The following KIAA1217 variants were observed in gnomAD, a reference collection of about 807,000 sequenced individuals.
KIAA1217 encodes the protein sickle tail protein homolog.
Under a neutral mutation model 163.9 loss-of-function variants are expected in KIAA1217, and 88 were observed. The observed-to-expected ratio is 0.54, with a 90% CI of 0.45 to 0.64. KIAA1217 has a LOEUF of 0.64. KIAA1217 is among the 30% of genes least tolerant of loss of function. The pLI, the probability that KIAA1217 is intolerant of heterozygous loss-of-function variation, is 0.00. For missense variants in KIAA1217, 2,372 were observed against 2,475.0 expected (o/e 0.96, Z 0.88); for synonymous variants, 903 against 923.1 (o/e 0.98, Z 0.39).
In KIAA1217 at chr10:24,261,540, C is replaced by T. The variant is rs142183716; in HGVS notation, c.354+41631C>T. On this transcript the variant is annotated intron_variant, in intron 2 of 20. Coordinates refer to ENST00000376454, the MANE Select transcript of KIAA1217 (RefSeq NM_019590.5). ...GCATTTAATCTGGTGCTGAGCTGAC[C>T]TCTTGTACTCTGATTTTTTCATTGT... Among the ~76,000 whole-genome samples the T allele has an allele frequency of 3.4e-4, 52 of 151,840 alleles. 1 individual carries two copies. In the East Asian group the frequency reaches 8.1e-3, roughly 24 times the overall value.
At chr10:24,326,797 C>T (rs1392834612) in intron 2 of KIAA1217, among the ~76,000 whole-genome samples, 1 of 151,738 alleles carries the variant, frequency 6.6e-6, no homozygotes, top group South Asian at 2.1e-4. Context: ...TAATACTGAC[C>T]CCCAAAACCC....
At chr10:24,504,501 C>A (rs550046957) in intron 9 of KIAA1217, among the ~76,000 whole-genome samples, 28 of 152,312 alleles carry the variant, frequency 1.8e-4, no homozygotes, top group Non-Finnish European at 3.4e-4. Flanking sequence ...ATTAAGCTAT[C>A]TCGGCACCAA....
intron 17 of KIAA1217, among the ~76,000 whole-genome samples, chr10:24,537,216 G>T (rs1311446207): frequency 6.6e-6 from 1 of 151,992 alleles, no homozygotes; most frequent in Non-Finnish European, 1.5e-5. Context: ...CAAGTATTTA[G>T]CAGTTTTTCT....
At chr10:24,472,809 G>A (rs751791166) in intron 5 of KIAA1217, among the ~76,000 whole-genome samples, 3 of 151,974 alleles carry the variant, frequency 2.0e-5, no homozygotes, top group Non-Finnish European at 2.9e-5. Context: ...TCAATGTGTC[G>A]GCAGGGTCAT....
intron 1 of KIAA1217, among the ~76,000 whole-genome samples, chr10:23,795,491 G>A (rs2130943193): frequency 6.6e-6 from 1 of 152,320 alleles, no homozygotes; most frequent in East Asian, 1.9e-4. Flanking sequence ...TGGCTTATAA[G>A]CAAGGGCTTT....
At chr10:23,750,120 G>A (rs1006450156) in intron 1 of KIAA1217, among the ~76,000 whole-genome samples, 1 of 152,036 alleles carries the variant, frequency 6.6e-6, no homozygotes, top group African/African-American at 2.4e-5. Context: ...GGCCATTGCA[G>A]TCCTTTCTTA....
In KIAA1217 at chr10:23,916,983, A is replaced by AAC. The variant is rs1471883532; in HGVS notation, c.-320-90241_-320-90240insCA. ...GAGATTCTCTCAAAAAAAAAAAAAA[A>AAC]AAAAAGGTTTGTCTTAGTTTTCTTT... On this transcript the variant is annotated intron_variant, in intron 1 of 18. Transcript: ENST00000376462. 4.0e-5 allele frequency among the ~76,000 whole-genome samples: 6 copies of AAC among 151,826 alleles called. No individual in the cohort carries two copies. In the South Asian group the frequency reaches 8.3e-4, roughly 21 times the overall value.
chr10:24,542,646 G>T, intron 17 of KIAA1217, 47 bp from the exon 18 acceptor site: 1 of 1,596,560 alleles, frequency 6.3e-7, no homozygotes, highest in Non-Finnish European at 8.6e-7. Flanking sequence ...CACTTTTTTG[G>T]GGGGATGTGG....
intron 1 of KIAA1217, among the ~76,000 whole-genome samples, chr10:23,787,348 G>C (rs1835539904): frequency 6.6e-6 from 1 of 152,150 alleles, no homozygotes; most frequent in South Asian, 2.1e-4. Flanking sequence ...TATGAGGCTA[G>C]GTATTGGGTA....
At chr10:24,143,045 A>C (rs1279672865) in intron 2 of KIAA1217, among the ~76,000 whole-genome samples, 1 of 152,220 alleles carries the variant, frequency 6.6e-6, no homozygotes, top group Admixed American at 6.5e-5. Flanking sequence ...TGGTTGTCTC[A>C]CGTAGATTCT....
At chr10:24,016,717 C>T (rs1171273947) in intron 2 of KIAA1217, among the ~76,000 whole-genome samples, 1 of 152,004 alleles carries the variant, frequency 6.6e-6, no homozygotes, top group African/African-American at 2.4e-5. Flanking sequence ...TTTTACCTTA[C>T]CTAGTTATTT....
intron 2 of KIAA1217, among the ~76,000 whole-genome samples, chr10:24,225,994 G>T (rs1327123281): frequency 6.6e-6 from 1 of 152,134 alleles, no homozygotes; most frequent in Non-Finnish European, 1.5e-5. Flanking sequence ...ATAGAGAGGG[G>T]TACAGAGCCA....
intron 1 of KIAA1217, among the ~76,000 whole-genome samples, chr10:23,908,687 A>G (rs1049510483): frequency 6.6e-6 from 1 of 152,074 alleles, no homozygotes; most frequent in Non-Finnish European, 1.5e-5. Flanking sequence ...ATATCTCCCT[A>G]TGCACAATGC....
intron 1 of KIAA1217, among the ~76,000 whole-genome samples, chr10:23,722,415 A>G (rs1837920707): frequency 6.6e-6 from 1 of 152,054 alleles, no homozygotes; most frequent in South Asian, 2.1e-4. Context: ...AAAAATAGAT[A>G]TGAAAAGAAT....
intron 3 of KIAA1217, among the ~76,000 whole-genome samples, chr10:24,402,508 C>CAAAAA (rs1422541118): frequency 1.6e-5 from 1 of 63,228 alleles, no homozygotes; most frequent in Non-Finnish European, 2.5e-5. Flanking sequence ...GACTCCCTCT[C>CAAAAA]AAAAAAACAA....
At chr10:24,255,020 A>G (rs2074993823) in intron 2 of KIAA1217, among the ~76,000 whole-genome samples, 1 of 151,888 alleles carries the variant, frequency 6.6e-6, no homozygotes, top group African/African-American at 2.4e-5. Flanking sequence ...TGCCCAGCTA[A>G]TTTTTGTATT....
intron 5 of KIAA1217, among the ~76,000 whole-genome samples, chr10:24,463,647 AT>A (rs928886759): frequency 2.0e-5 from 3 of 152,222 alleles, no homozygotes; most frequent in African/African-American, 4.8e-5. Flanking sequence ...AGCAAATGTA[AT>A]TTTTTTAAAG....
intron 2 of KIAA1217, among the ~76,000 whole-genome samples, chr10:24,151,304 T>A (rs76312411): frequency 0.012 from 1,837 of 151,816 alleles, 33 homozygotes; most frequent in African/African-American, 0.043. Flanking sequence ...GAATCTTTAT[T>A]TTAAAAATTT....
intron 1 of KIAA1217, among the ~76,000 whole-genome samples, chr10:23,757,290 C>T (rs1444890558): frequency 2.6e-5 from 4 of 152,162 alleles, no homozygotes; most frequent in African/African-American, 9.6e-5. Flanking sequence ...TCTTGAGGAA[C>T]CACCATAGTG....
Sources: gnomAD v4.1 joint callset for allele counts (sites outside exome capture counted in the v4.1 genomes callset) on GRCh38, gnomAD v4.1.1 for gene constraint, MANE v1.5 for transcripts, NCBI Gene and HGNC (gene_info 2026-07-23, HGNC 2026-07-21) for gene names.